Variants in FGF14 observed in about 807,000 individuals in gnomAD.
FGF14 encodes fibroblast growth factor 14.
In FGF14, 5 loss-of-function variants were observed where a neutral mutation model predicts 25.5. That is an observed-to-expected ratio of 0.20 (90% CI 0.10 to 0.41). The LOEUF (loss-of-function observed/expected upper bound fraction) is 0.41, where lower values mean the gene tolerates loss of function less well. FGF14 is among the 10% of genes least tolerant of loss of function. The pLI, the probability that FGF14 is intolerant of heterozygous loss-of-function variation, is 1.00. For missense variants in FGF14, 222 were observed against 320.1 expected (o/e 0.69, Z 2.34); for synonymous variants, 138 against 118.3 (o/e 1.17, Z -1.08).
intron 3 of FGF14, among the ~76,000 whole-genome samples, chr13:101,828,054 AAAT>A (rs1179435238): frequency 6.6e-6 from 1 of 152,050 alleles, no homozygotes; most frequent in African/African-American, 2.4e-5. Flanking sequence ...CAAGTCATTC[AAAT>A]AAATAATTTA....
At chr13:102,046,349 A>AC (rs2041981613) in intron 1 of FGF14, among the ~76,000 whole-genome samples, 1 of 152,194 alleles carries the variant, frequency 6.6e-6, no homozygotes, top group Admixed American at 6.5e-5. Flanking sequence ...GATGTGGGAA[A>AC]ATTAATGCTT....
At chr13:101,990,828 T>A (rs1169654541) in intron 1 of FGF14, among the ~76,000 whole-genome samples, 8 of 152,156 alleles carry the variant, frequency 5.3e-5, no homozygotes, top group Admixed American at 5.2e-4. Flanking sequence ...CTCAATTATG[T>A]TATTCCTGAA....
intron 1 of FGF14, among the ~76,000 whole-genome samples, chr13:102,100,506 G>A (rs142574145): frequency 2.6e-5 from 4 of 152,332 alleles, no homozygotes; most frequent in Non-Finnish European, 4.4e-5. Flanking sequence ...CAGGTGCACA[G>A]ACAAGGCTTG....
At chr13:102,214,848 C>T (rs1270707810) in intron 1 of FGF14, among the ~76,000 whole-genome samples, 1 of 152,016 alleles carries the variant, frequency 6.6e-6, no homozygotes, top group African/African-American at 2.4e-5. Flanking sequence ...ATTATCCAGC[C>T]CAAAATGTCA....
At chr13:101,907,751 G>C (rs1418430949) in intron 1 of FGF14, among the ~76,000 whole-genome samples, 1 of 152,114 alleles carries the variant, frequency 6.6e-6, no homozygotes. Flanking sequence ...CTAAATATTA[G>C]AGCATATTTA....
At chr13:101,810,985 G>A (rs186229544) in intron 3 of FGF14, among the ~76,000 whole-genome samples, 2 of 152,068 alleles carry the variant, frequency 1.3e-5, no homozygotes, top group East Asian at 1.9e-4. Context: ...CTGAGAGAAA[G>A]GTATGAAGAT....
chr13:102,179,922 A>T (rs759352251), intron 1 of FGF14, among the ~76,000 whole-genome samples: 8 of 152,160 alleles, frequency 5.3e-5, no homozygotes, highest in Non-Finnish European at 1.2e-4. Context: ...ATTCTAAAAT[A>T]TATTTGCCAG....
intron 3 of FGF14, among the ~76,000 whole-genome samples, chr13:101,792,042 A>G (rs2040264966): frequency 6.6e-6 from 1 of 152,220 alleles, no homozygotes; most frequent in Non-Finnish European, 1.5e-5. Flanking sequence ...GTGAGAAAAT[A>G]TATGTAAATC....
At chr13:101,863,284 C>G (rs2044520308) in intron 3 of FGF14, among the ~76,000 whole-genome samples, 1 of 152,128 alleles carries the variant, frequency 6.6e-6, no homozygotes, top group African/African-American at 2.4e-5. Context: ...CTTGGTATAG[C>G]TTTGCCTTAG....
intron 1 of FGF14, among the ~76,000 whole-genome samples, chr13:102,062,461 T>C (rs1011080803): frequency 6.6e-6 from 1 of 152,158 alleles, no homozygotes; most frequent in Non-Finnish European, 1.5e-5. Flanking sequence ...TAAGTTGATC[T>C]GAAAAACTTC....
At chr13:102,335,683 T>C (rs2056769542) in intron 1 of FGF14, among the ~76,000 whole-genome samples, 1 of 152,146 alleles carries the variant, frequency 6.6e-6, no homozygotes, top group Non-Finnish European at 1.5e-5. Flanking sequence ...ACTGTGCCTC[T>C]CTTTAATGCG....
chr13:101,838,562 C>A (rs1297883346), intron 3 of FGF14, among the ~76,000 whole-genome samples: 1 of 152,008 alleles, frequency 6.6e-6, no homozygotes, highest in African/African-American at 2.4e-5. Context: ...AATCACATAA[C>A]CTTCATAAGA....
rs571318546 is a variant in FGF14 at position 102,208,160 on chromosome 13, T to C, written c.208+193311A>G. ...AGCAAAAAGCAGTGACGGTGAGAGA[T>C]TCGCAAGGGGAAAGGCAGAATCGCT... is the stretch of plus-strand genomic sequence containing the variant. On this transcript the variant is annotated intron_variant, in intron 1 of 4. Coordinates refer to the FGF14 transcript ENST00000376131. Among the ~76,000 whole-genome samples, 7 of 152,260 alleles carry C rather than the reference T, an allele frequency of 4.6e-5. No homozygotes were observed. The South Asian group carries it at 1.5e-3, about 32-fold the overall frequency.
intron 1 of FGF14, among the ~76,000 whole-genome samples, chr13:102,018,236 T>TGG (rs2040448159): frequency 6.6e-6 from 1 of 152,178 alleles, no homozygotes; most frequent in Non-Finnish European, 1.5e-5. Flanking sequence ...CCTTGACTTG[T>TGG]GGGCACAACT....
intron 3 of FGF14, among the ~76,000 whole-genome samples, chr13:101,731,583 T>C (rs897251984): frequency 1.3e-5 from 2 of 152,226 alleles, no homozygotes; most frequent in African/African-American, 4.8e-5. Context: ...GAATTCCTCT[T>C]CTGAGGGAAA....
rs2034683733 is a variant in FGF14 at position 101,715,611 on chromosome 13, A to G, written c.*7220T>C. ...AACTGTGAATGCTGGGATGGATGGA[A>G]TGGAAATGCATGTGAAATCTGGCTT... On this transcript the variant is annotated 3_prime_UTR_variant, in exon 5 of 5. Coordinates refer to ENST00000376143, the MANE Select transcript of FGF14 (RefSeq NM_004115.4). 6 of 1,613,398 alleles carry G rather than the reference A, an allele frequency of 3.7e-6. No individual in the cohort carries two copies. Among genetic ancestry groups the G allele is most frequent in the African/African-American group, 1.3e-5 (1 of 74,894 alleles).
At chr13:102,143,352 T>A (rs2046724795) in intron 1 of FGF14, among the ~76,000 whole-genome samples, 1 of 152,020 alleles carries the variant, frequency 6.6e-6, no homozygotes, top group Non-Finnish European at 1.5e-5. Flanking sequence ...TAAAAAAAAA[T>A]GTGTGTGTGT....
Position 101,975,518 on chromosome 13 carries a change from A to G in FGF14, c.209-100222T>C, listed in dbSNP as rs370302538. 3.3e-5 allele frequency among the ~76,000 whole-genome samples: 5 copies of G among 152,298 alleles called. No homozygotes were observed. The South Asian group carries it at 1.0e-3, about 32-fold the overall frequency. ...TCTTCCTGCCTCGTTATTTCATGAC[A>G]TTGCAACTCCCTCTGTTACATGGTT... On this transcript the variant is annotated intron_variant, in intron 1 of 4. Transcript: ENST00000376131.
chr13:101,903,141 T>C (rs2031783543), intron 1 of FGF14, among the ~76,000 whole-genome samples: 1 of 152,176 alleles, frequency 6.6e-6, no homozygotes, highest in South Asian at 2.1e-4. Flanking sequence ...ATGTTCAATA[T>C]TATCTACCAG....
Sources: gnomAD v4.1 joint callset for allele counts (sites outside exome capture counted in the v4.1 genomes callset) on GRCh38, gnomAD v4.1.1 for gene constraint, MANE v1.5 for transcripts, NCBI Gene and HGNC (gene_info 2026-07-23, HGNC 2026-07-21) for gene names.